ENTPD7: variants seen among roughly 807,000 people sequenced by gnomAD.
ENTPD7 encodes the protein NTPDase 7.
ENTPD7 carries 53 observed loss-of-function variants against 77.9 expected under a neutral mutation model. That is an observed-to-expected ratio of 0.68 (90% CI 0.55 to 0.85). The LOEUF is 0.85. Ranked by LOEUF, ENTPD7 falls within the 40% of genes least tolerant of loss-of-function variation. The pLI, the probability that ENTPD7 is intolerant of heterozygous loss-of-function variation, is 0.00. For synonymous variants in ENTPD7, 248 were observed against 274.9 expected (o/e 0.90, Z 0.97); for missense variants, 636 against 743.7 (o/e 0.86, Z 1.68).
chr10:99,669,756 T>TG lies in ENTPD7; in HGVS notation c.191+8128_191+8129insG, dbSNP rs1564627724. Among the ~76,000 whole-genome samples, 4 of 132,088 alleles carry TG rather than the reference T, an allele frequency of 3.0e-5. No individual in the cohort carries two copies. The South Asian group carries it at 8.0e-4, about 26-fold the overall frequency. The allele number at this position is 132,088 out of a possible 152,430, so 86.7% of individuals were successfully genotyped here. On this transcript the variant is annotated intron_variant, in intron 3 of 12. Transcript: ENST00000370489. ...AGATGTGTGGTTTTTTTTTTTTTTT[T>TG]TTTTTTTTTTTGAGACAGAGTCTTG...
At position 99,705,216 on chromosome 10, in the gene ENTPD7, G is replaced by A. The variant is rs553307594; in HGVS notation, c.*533G>A. The A allele has an allele frequency of 6.3e-6, 1 of 159,340 alleles. No homozygotes were observed. Among genetic ancestry groups the A allele is most frequent in the South Asian group, 1.8e-4 (1 of 5,630 alleles). The allele number at this position is 159,340 out of a possible 1,614,324, so 9.9% of individuals were successfully genotyped here. A position where few individuals can be genotyped will look rare whatever the true frequency, so the allele number is the denominator to read the frequency against. ...CATAGGAATTTCCAGGCACCAAAAT[G>A]ATATAACTTCCTTGCTTCCTTGACA... On this transcript the variant is annotated 3_prime_UTR_variant, in exon 13 of 13. Transcript: ENST00000370489.
Position 99,698,583 on chromosome 10 carries a change from C to A in ENTPD7, c.1060C>A (p.Pro354Thr). ...GLSPDNPFLD[P>T]CLPVGLTDVV... is the part of the protein sequence containing the mutation. ...GAGTCCCGACAATCCATTTCTGGAT[C>A]CCTGCCTGCCAGTGGGACTCACAGA... is the stretch of plus-strand genomic sequence containing the variant. The change falls in exon 10 of 13, where the codon CCC becomes ACC. Residue 354 changes from proline (P) to threonine (T), a missense_variant. Pro to Thr is a conservative substitution (Grantham distance 38). Coordinates refer to ENST00000370489, the MANE Select transcript of ENTPD7 (RefSeq NM_020354.5). The A allele has an allele frequency of 6.2e-7, 1 of 1,614,134 alleles. No homozygotes were observed. Among genetic ancestry groups the A allele is most frequent in the South Asian group, 1.1e-5 (1 of 91,078 alleles).
chr10:99,684,661 A>G (rs929118386), intron 5 of ENTPD7, among the ~76,000 whole-genome samples: 5 of 152,240 alleles, frequency 3.3e-5, no homozygotes, highest in African/African-American at 1.2e-4. Context: ...AGCCAGCAGA[A>G]TATTTTTGTA....
chr10:99,669,607 T>A (rs2035593104), intron 3 of ENTPD7, among the ~76,000 whole-genome samples: 1 of 152,124 alleles, frequency 6.6e-6, no homozygotes, highest in Non-Finnish European at 1.5e-5. Flanking sequence ...TTTTTTTTAA[T>A]ACACTTTTTT....
chr10:99,691,424 G>A lies in ENTPD7; in HGVS notation c.749G>A (p.Arg250Gln), dbSNP rs767106170. ...GCTACCCAGGAATTGGCAGCAGGAC[G>A]GAGAAGGACAGTAGGGATACTGGAT... ...AEATQELAAG[R>Q]RRTVGILDMG... is the part of the protein sequence containing the mutation. Residue 250 changes from arginine (R) to glutamine (Q), a missense_variant, in exon 8 of 13, where the codon CGG becomes CAG. Physicochemically the swap from Arg to Gln is conservative, Grantham distance 43. Around this residue, in one of 3 missense-constraint regions of ENTPD7, gnomAD observed 486 missense variants for 556.5 expected, o/e 0.87. Transcript: ENST00000370489. 33 of 1,613,734 alleles carry A rather than the reference G, an allele frequency of 2.0e-5. No individual in the cohort carries two copies. Among genetic ancestry groups the A allele is most frequent in the Admixed American group, 1.0e-4 (6 of 60,008 alleles).
At chr10:99,694,756 C>G (rs969594411) in intron 8 of ENTPD7, among the ~76,000 whole-genome samples, 1 of 151,976 alleles carries the variant, frequency 6.6e-6, no homozygotes, top group Non-Finnish European at 1.5e-5. Flanking sequence ...AGGCTGGTCT[C>G]GAACTCCTGG....
chr10:99,693,510 T>C (rs921525588), intron 8 of ENTPD7, among the ~76,000 whole-genome samples: 2 of 152,208 alleles, frequency 1.3e-5, no homozygotes, highest in Non-Finnish European at 2.9e-5. Context: ...CAAGCGGGAC[T>C]GGGGCTTCAA....
chr10:99,666,301 A>G (rs1239904979), intron 3 of ENTPD7, among the ~76,000 whole-genome samples: 3 of 151,738 alleles, frequency 2.0e-5, no homozygotes, highest in African/African-American at 7.3e-5. Flanking sequence ...TCCGCCTCCC[A>G]GGTTCAAGCA....
At chr10:99,699,238 T>C (rs1353091228) in intron 10 of ENTPD7, among the ~76,000 whole-genome samples, 1 of 152,226 alleles carries the variant, frequency 6.6e-6, no homozygotes, top group Non-Finnish European at 1.5e-5. Context: ...TAATGTGCTT[T>C]TGGAGATGAT....
intron 6 of ENTPD7, among the ~76,000 whole-genome samples, chr10:99,686,669 C>T (rs962981367): frequency 1.3e-5 from 2 of 151,974 alleles, no homozygotes; most frequent in Admixed American, 6.5e-5. Flanking sequence ...TATATGGTTG[C>T]TCTAATATCT....
At position 99,710,213 on chromosome 10, in the gene ENTPD7, C is replaced by G; in HGVS notation, c.*5530C>G. 1 of 985,402 alleles carries G rather than the reference C, an allele frequency of 1.0e-6. No homozygotes were observed. Among genetic ancestry groups the G allele is most frequent in the Non-Finnish European group, 1.2e-6 (1 of 829,922 alleles). 61.0% of individuals were successfully genotyped at this position (985,402 alleles called of 1,614,324 possible). A position where few individuals can be genotyped will look rare whatever the true frequency, so the allele number is the denominator to read the frequency against. The stretch of plus-strand genomic sequence containing the variant: ...CTACAGAGCACTTGCCGGCATTTGG[C>G]CTGCTGCTGGTGAAGACGCCCCTTA... On this transcript the variant is annotated 3_prime_UTR_variant, in exon 13 of 13. Coordinates refer to ENST00000370489, the MANE Select transcript of ENTPD7 (RefSeq NM_020354.5).
At chr10:99,685,547 A>G (rs1366324872) in intron 5 of ENTPD7, among the ~76,000 whole-genome samples, 2 of 152,184 alleles carry the variant, frequency 1.3e-5, no homozygotes, top group East Asian at 1.9e-4. Flanking sequence ...CACTCTTTGA[A>G]TAATAACATC....
At chr10:99,681,815 G>C (rs561519218) in intron 5 of ENTPD7, among the ~76,000 whole-genome samples, 7 of 152,274 alleles carry the variant, frequency 4.6e-5, no homozygotes, top group South Asian at 4.1e-4. Context: ...TCATATGCCT[G>C]TTGGCCATTT....
chr10:99,660,785 G>A (rs556075294), intron 2 of ENTPD7, among the ~76,000 whole-genome samples: 1 of 152,214 alleles, frequency 6.6e-6, no homozygotes, highest in Non-Finnish European at 1.5e-5. Flanking sequence ...AGCCGGGTGT[G>A]GTGGCAGTCA....
intron 3 of ENTPD7, among the ~76,000 whole-genome samples, chr10:99,661,989 A>G (rs2035493208): frequency 6.6e-6 from 1 of 152,232 alleles, no homozygotes; most frequent in South Asian, 2.1e-4. Flanking sequence ...TGGTATTAAT[A>G]TAGCTACTCC....
chr10:99,683,578 G>A (rs534443768), intron 5 of ENTPD7, among the ~76,000 whole-genome samples: 5 of 152,168 alleles, frequency 3.3e-5, no homozygotes, highest in South Asian at 2.1e-4. Flanking sequence ...TCAACATTTC[G>A]CCATTTTAAA....
rs2036302543 is a variant in ENTPD7 at position 99,708,832 on chromosome 10, C to CT, written c.*4152dup. Reference sequence around the variant, plus strand: ...AGTGACTGGCCTCCTAGCCCAACTACTTTGTCAGCTACAATGAAATGCTCA... The same window carrying CT: ...AGTGACTGGCCTCCTAGCCCAACTACTTTTGTCAGCTACAATGAAATGCTCA... On this transcript the variant is annotated 3_prime_UTR_variant, in exon 13 of 13. Coordinates refer to ENST00000370489, the MANE Select transcript of ENTPD7 (RefSeq NM_020354.5). The CT allele has an allele frequency of 1.0e-6, 1 of 985,318 alleles. No homozygotes were observed. Among genetic ancestry groups the CT allele is most frequent in the African/African-American group, 1.7e-5 (1 of 57,248 alleles). 61.0% of individuals were successfully genotyped at this position (985,318 alleles called of 1,614,324 possible). A position where few individuals can be genotyped will look rare whatever the true frequency, so the allele number is the denominator to read the frequency against.
rs2036228276 is a variant in ENTPD7 at position 99,705,191 on chromosome 10, C to G, written c.*508C>G. On this transcript the variant is annotated 3_prime_UTR_variant, in exon 13 of 13. Coordinates refer to ENST00000370489, the MANE Select transcript of ENTPD7 (RefSeq NM_020354.5). Reference sequence around the variant, plus strand: ...AAGATCTTTGCAGTTCAATCGACCACATAGGAATTTCCAGGCACCAAAATG... The same window carrying G: ...AAGATCTTTGCAGTTCAATCGACCAGATAGGAATTTCCAGGCACCAAAATG... 1 of 159,296 alleles carries G rather than the reference C, an allele frequency of 6.3e-6. No homozygotes were observed. The highest frequency in any genetic ancestry group is 1.4e-5 in the Non-Finnish European group (1 of 71,494). The allele number at this position is 159,296 out of a possible 1,614,324, so 9.9% of individuals were successfully genotyped here. A position where few individuals can be genotyped will look rare whatever the true frequency, so the allele number is the denominator to read the frequency against.
At chr10:99,704,335 A>T in intron 12 of ENTPD7, 117 bp from the exon 13 acceptor site, 1 of 1,020,968 alleles carries the variant, frequency 9.8e-7, no homozygotes. Context: ...TGGTGTCATA[A>T]AATGTTTATG....
Sources: gnomAD v4.1 joint callset for allele counts (sites outside exome capture counted in the v4.1 genomes callset) on GRCh38, gnomAD v4.1.1 for gene constraint, gnomAD v4.1.1 regional missense constraint, MANE v1.5 for transcripts, NCBI Gene and HGNC (gene_info 2026-07-23, HGNC 2026-07-21) for gene names.